ZNF683: variants seen among roughly 807,000 people sequenced by gnomAD.
ZNF683 encodes zinc finger protein 683, also known as tissue-resident T-cell transcription regulator protein ZNF683.
ZNF683 carries 20 observed loss-of-function variants against 31.4 expected under a neutral mutation model. The observed-to-expected ratio is 0.64, with a 90% CI of 0.45 to 0.93. The LOEUF is 0.93. Among genes scored for constraint, ZNF683 ranks in the 40% least tolerant of loss-of-function variants. The probability of loss-of-function intolerance (pLI) is 0.00; values close to 1 mark genes in which losing one functional copy is unlikely to be tolerated. For missense variants in ZNF683, 621 were observed against 637.2 expected, an observed-to-expected ratio of 0.97 and a Z score of 0.27; for synonymous variants, 264 against 267.6, an observed-to-expected ratio of 0.99 and a Z score of 0.13.
chr1:26,361,858 C>T lies in ZNF683; in HGVS notation c.1308G>A (p.Val436=), dbSNP rs1003664386. ...GAGAGGCCAGGGGCAGCTGGGTGTG[C>T]ACCAGGCCACAGGGCTGTGGGGCAT... The part of the protein sequence containing the change: ...RLHAPQPCGL[V]HTQLPLASLA... Residue 436 remains valine (V), a synonymous_variant, in exon 6 of 6, where the codon GTG becomes GTA. Transcript: ENST00000349618. 1 of 1,613,892 alleles carries T rather than the reference C, an allele frequency of 6.2e-7. No homozygotes were observed. Among genetic ancestry groups the T allele is most frequent in the Non-Finnish European group, 8.5e-7 (1 of 1,179,904 alleles).
rs187778427 is a variant in ZNF683, at chr1:26,365,159, C to T, written c.387G>A (p.Gln129=). 11 of 1,610,476 alleles carry T rather than the reference C, an allele frequency of 6.8e-6. No individual in the cohort carries two copies. The highest frequency in any genetic ancestry group is 3.3e-4 in the Middle Eastern group (2 of 6,056). ...DDKKFTVKYP[Q]NKDKLGKQPE... The stretch of plus-strand genomic sequence containing the variant: ...GCTGTTTTCCCAGCTTGTCCTTGTT[C>T]TGTGGGTACTTGACTGTGAATTTCT... Residue 129 remains glutamine (Q), a synonymous_variant, in exon 4 of 6, where the codon CAG becomes CAA. Coordinates refer to ENST00000349618, the MANE Select transcript of ZNF683 (RefSeq NM_001114759.3).
chr1:26,368,412 C>G (rs1192708100), intron 2 of ZNF683, 46 bp downstream of exon 2: 1 of 1,506,708 alleles, frequency 6.6e-7, no homozygotes, highest in Non-Finnish European at 8.9e-7. Flanking sequence ...TCACCTCCTA[C>G]TATAAGCAGA....
chr1:26,373,807 C>T (rs1011541008), upstream of ZNF683, among the ~76,000 whole-genome samples: 1 of 152,144 alleles, frequency 6.6e-6, no homozygotes, highest in African/African-American at 2.4e-5. Context: ...GAGTAAATAG[C>T]CACCTTTACA....
intron 1 of ZNF683, among the ~76,000 whole-genome samples, chr1:26,369,727 G>A (rs1256077937): frequency 6.6e-6 from 1 of 152,120 alleles, no homozygotes. Context: ...CTACTAGGGA[G>A]GCTGAGGCAA....
At chr1:26,372,632 A>C in intron 1 of ZNF683, 37 bp downstream of exon 1, 1 of 1,304,306 alleles carries the variant, frequency 7.7e-7, no homozygotes, top group South Asian at 1.2e-5. Context: ...GAAAAAAATA[A>C]AAACTACTTC....
At position 26,367,747 on chromosome 1, in the gene ZNF683, T is replaced by A; in HGVS notation, c.165A>T (p.Pro55=). 1 of 1,609,344 alleles carries A rather than the reference T, an allele frequency of 6.2e-7. No individual in the cohort carries two copies. The highest frequency in any genetic ancestry group is 8.5e-7 in the Non-Finnish European group (1 of 1,177,464). The stretch of plus-strand genomic sequence containing the variant: ...AGGGACACAGCCAGCTGGCACAGGA[T>A]GGGCCATGAGCATCCACCATGTCTG... ...PLPDMVDAHG[P]SCASWLCPLP... Residue 55 remains proline (P), a synonymous_variant, in exon 3 of 6, where the codon CCA becomes CCT. Coordinates refer to ENST00000349618, the MANE Select transcript of ZNF683 (RefSeq NM_001114759.3).
intron 3 of ZNF683, among the ~76,000 whole-genome samples, chr1:26,366,149 C>T (rs1275974796): frequency 6.6e-6 from 1 of 152,070 alleles, no homozygotes; most frequent in African/African-American, 2.4e-5. Context: ...CATTGCACTC[C>T]AGCCTGGGCA....
intron 1 of ZNF683, chr1:26,370,698 T>G: frequency 1.0e-6 from 1 of 985,486 alleles, no homozygotes; most frequent in Non-Finnish European, 1.2e-6. Flanking sequence ...TGCTCCTGGC[T>G]GGGAAGGAAG....
chr1:26,371,085 G>C (rs1227522784), intron 1 of ZNF683, among the ~76,000 whole-genome samples: 1 of 152,186 alleles, frequency 6.6e-6, no homozygotes, highest in Non-Finnish European at 1.5e-5. Context: ...GATAGGCATT[G>C]ATGATGACAG....
chr1:26,363,060 A>G lies in ZNF683; in HGVS notation c.1109T>C (p.Leu370Pro). Residue 370 changes from leucine (L) to proline (P), a missense_variant, in exon 5 of 6, where the codon CTG becomes CCG. By Grantham distance (98) the Leu-to-Pro change is moderately conservative. Coordinates refer to ENST00000349618, the MANE Select transcript of ZNF683 (RefSeq NM_001114759.3). ...GTGGGGCCGCTCCCCAGTGTGCACC[A>G]GGTGGTGCTTCTGCAGGTGGGCAAG... ...TQLAHLQKHH[L>P]VHTGERPHKC... 1 of 1,612,446 alleles carries G rather than the reference A, an allele frequency of 6.2e-7. No homozygotes were observed. The highest frequency in any genetic ancestry group is 8.5e-7 in the Non-Finnish European group (1 of 1,179,250).
chr1:26,368,542 A>G lies in ZNF683; in HGVS notation c.30T>C (p.Gly10=), dbSNP rs780201506. Residue 10 remains glycine, a synonymous_variant, in exon 2 of 6, where the codon GGT becomes GGC. Transcript: ENST00000349618. ...CCAGGGCCATGGGCCTATGACAACAACCTAATTGTGCAGCTGATTCTTCCT... is the reference window on the plus strand; with the variant it reads ...CCAGGGCCATGGGCCTATGACAACAGCCTAATTGTGCAGCTGATTCTTCCT... MKEESAAQL[G]CCHRPMALGG... The G allele has an allele frequency of 4.6e-5, 74 of 1,606,274 alleles. No individual in the cohort carries two copies. In the Middle Eastern group the frequency reaches 1.2e-3, roughly 25 times the overall value.
chr1:26,367,127 T>C (rs1032142544), intron 3 of ZNF683, among the ~76,000 whole-genome samples: 7 of 150,864 alleles, frequency 4.6e-5, no homozygotes, highest in African/African-American at 1.7e-4. Context: ...TAGCCGGGGG[T>C]GGTGGCGCAC....
At chr1:26,371,682 A>G (rs570511252) in intron 1 of ZNF683, among the ~76,000 whole-genome samples, 67 of 152,056 alleles carry the variant, frequency 4.4e-4, no homozygotes, top group Non-Finnish European at 9.1e-4. Flanking sequence ...CTGTAATCCC[A>G]GCACTTTGGG....
At chr1:26,372,889 G>A, upstream of ZNF683, 2 of 1,140,328 alleles carry the variant, frequency 1.8e-6, no homozygotes, top group Non-Finnish European at 2.2e-6. Context: ...GGCAGGCAGA[G>A]GCTGCTCCAT....
intron 1 of ZNF683, chr1:26,372,454 C>T (rs867852183): frequency 7.7e-7 from 1 of 1,299,022 alleles, no homozygotes; most frequent in Non-Finnish European, 1.0e-6. Flanking sequence ...TTAATTCCAA[C>T]CTCCCTCACC....
chr1:26,368,314 C>A (rs1470890111), intron 2 of ZNF683, 144 bp downstream of exon 2: 2 of 1,016,914 alleles, frequency 2.0e-6, no homozygotes, highest in East Asian at 3.1e-5. Flanking sequence ...CTCAAAGAAA[C>A]ATCCCTATGA....
chr1:26,363,217 T>C, intron 4 of ZNF683, 63 bp from the exon 5 acceptor site: 1 of 1,543,248 alleles, frequency 6.5e-7, no homozygotes, highest in East Asian at 2.4e-5. Context: ...CCTGAGGTCC[T>C]CTCCAAATCT....
chr1:26,364,151 T>C (rs2074456606), intron 4 of ZNF683, among the ~76,000 whole-genome samples: 1 of 152,172 alleles, frequency 6.6e-6, no homozygotes, highest in African/African-American at 2.4e-5. Context: ...AAAAAATAAA[T>C]AAGAAGCTTA....
chr1:26,364,348 G>A (rs139105269), intron 4 of ZNF683, among the ~76,000 whole-genome samples, 184 bp downstream of exon 4: 146 of 152,230 alleles, frequency 9.6e-4, no homozygotes, highest in African/African-American at 3.4e-3. Context: ...CTAGGGTGGC[G>A]AGGACTTTGG....
Sources: gnomAD v4.1 joint callset for allele counts (sites outside exome capture counted in the v4.1 genomes callset) on GRCh38, gnomAD v4.1.1 for gene constraint, MANE v1.5 for transcripts, NCBI Gene and HGNC (gene_info 2026-07-23, HGNC 2026-07-21) for gene names.